The following AAGAB variants were observed in gnomAD, a reference collection of about 807,000 sequenced individuals.
The protein encoded by AAGAB is alpha- and gamma-adaptin-binding protein p34.
Under a neutral mutation model 44.1 loss-of-function variants are expected in AAGAB, and 38 were observed. The observed-to-expected ratio is 0.86, with a 90% CI of 0.67 to 1.13. AAGAB has a LOEUF of 1.13. Ranked by LOEUF, AAGAB falls within the 50% of genes most tolerant of loss-of-function variation. AAGAB has a pLI of 0.00. For missense variants in AAGAB, 450 were observed against 373.8 expected (o/e 1.20, Z -1.68); for synonymous variants, 131 against 131.8 (o/e 0.99, Z 0.04).
At chr15:67,236,959 T>C in intron 1 of AAGAB, 139 bp from the exon 2 acceptor site, 1 of 614,860 alleles carries the variant, frequency 1.6e-6, no homozygotes, top group Non-Finnish European at 2.7e-6. Flanking sequence ...CTGCATTTAT[T>C]AGCTTTAATC....
chr15:67,221,153 G>A (rs749094032), intron 5 of AAGAB: 9 of 152,126 alleles, frequency 5.9e-5, no homozygotes, highest in African/African-American at 1.4e-4. Flanking sequence ...GTCTCCCTGA[G>A]GTAAACCTTT....
intron 5 of AAGAB, among the ~76,000 whole-genome samples, chr15:67,222,242 G>GCGCGCGCACACACACACACA (rs1367738219): frequency 3.3e-5 from 3 of 90,044 alleles, no homozygotes; most frequent in Non-Finnish European, 4.6e-5. Flanking sequence ...GCGCGCGCGC[G>GCGCGCGCACACACACACACA]CACACACACA....
At chr15:67,208,998 C>T (rs886721558) in intron 6 of AAGAB, among the ~76,000 whole-genome samples, 1 of 152,054 alleles carries the variant, frequency 6.6e-6, no homozygotes, top group African/African-American at 2.4e-5. Context: ...GAAAAAGATC[C>T]CTGGAAAGAC....
rs1555417910 is a variant in AAGAB, at chr15:67,222,282, A to ACC, written c.535+9530_535+9531dup. ...CACACACACACACACACACACACAC[A>ACC]CCCTCCACCCATGCTGCCTGACTTT... On this transcript the variant is annotated intron_variant, in intron 5 of 9. Coordinates refer to ENST00000261880, the MANE Select transcript of AAGAB (RefSeq NM_024666.5). Among the ~76,000 whole-genome samples, 396 of 139,912 alleles carry ACC rather than the reference A, an allele frequency of 2.8e-3. 1 individual carries two copies. The highest frequency in any genetic ancestry group is 0.023 in the Middle Eastern group (6 of 260). 91.8% of individuals were successfully genotyped at this position (139,912 alleles called of 152,430 possible).
intron 5 of AAGAB, among the ~76,000 whole-genome samples, chr15:67,222,866 A>T (rs1165465132): frequency 1.3e-5 from 2 of 152,218 alleles, no homozygotes; most frequent in Non-Finnish European, 2.9e-5. Context: ...AATTTTCAAG[A>T]GTGTTTTATA....
In AAGAB at chr15:67,201,218, G is replaced by T. The variant is rs1595974401; in HGVS notation, c.*1603C>A. On this transcript the variant is annotated 3_prime_UTR_variant, in exon 10 of 10. Coordinates refer to ENST00000261880, the MANE Select transcript of AAGAB (RefSeq NM_024666.5). The stretch of plus-strand genomic sequence containing the variant: ...CAATCCCAGAGCCAACTTCCCTAAT[G>T]CAATCACCTCAAAGAAACACTGATG... 7.1e-6 allele frequency: 1 copy of T among 140,044 alleles called. No individual in the cohort carries two copies. The highest frequency in any genetic ancestry group is 7.3e-5 in the Admixed American group (1 of 13,632). The allele number at this position is 140,044 out of a possible 1,614,324, so 8.7% of individuals were successfully genotyped here.
At chr15:67,246,533 T>A (rs1964727024) in intron 1 of AAGAB, among the ~76,000 whole-genome samples, 1 of 152,238 alleles carries the variant, frequency 6.6e-6, no homozygotes, top group South Asian at 2.1e-4. Flanking sequence ...AAATACAATG[T>A]TATGTCCAAA....
upstream of AAGAB, chr15:67,254,849 T>A (rs1365013786): frequency 1.3e-6 from 2 of 1,587,832 alleles, no homozygotes; most frequent in Non-Finnish European, 1.7e-6. Context: ...AAGGTTTCCG[T>A]GCTTGGAAAC....
At chr15:67,240,023 C>T (rs1294107920) in intron 1 of AAGAB, among the ~76,000 whole-genome samples, 1 of 152,132 alleles carries the variant, frequency 6.6e-6, no homozygotes, top group Admixed American at 6.5e-5. Context: ...CCTACTACAC[C>T]GTGATGTTAC....
In AAGAB at chr15:67,236,457, T is replaced by C. The variant is rs745640728; in HGVS notation, c.312A>G (p.Ala104=). ...SVSSWLPLAK[A]WLPEVMILVC... is the part of the protein sequence containing the mutation. The stretch of plus-strand genomic sequence containing the variant: ...CCAAGATCATCACCTCAGGTAACCA[T>C]GCTTTTGCCAGTGGAAGCCATGAGG... The change falls in exon 3 of 10, where the codon GCA becomes GCG. Residue 104 remains alanine, a synonymous_variant. Transcript: ENST00000261880. The C allele has an allele frequency of 7.0e-5, 113 of 1,613,990 alleles. 2 individuals are homozygous for C. The South Asian group carries it at 1.1e-3, about 16-fold the overall frequency.
intron 5 of AAGAB, among the ~76,000 whole-genome samples, chr15:67,214,470 T>C (rs1299628640): frequency 2.0e-5 from 3 of 152,160 alleles, no homozygotes; most frequent in African/African-American, 7.2e-5. Context: ...CTTTGGTGTG[T>C]GGGTAGGTGG....
intron 5 of AAGAB, among the ~76,000 whole-genome samples, chr15:67,210,243 G>A (rs1324182141): frequency 6.6e-6 from 1 of 152,224 alleles, no homozygotes; most frequent in East Asian, 1.9e-4. Context: ...AGGGCTGGGA[G>A]CGGTGGCTCA....
At position 67,222,242 on chromosome 15, in the gene AAGAB, G is replaced by GCACACACACACACACACACA. The variant is rs370826027; in HGVS notation, c.535+9552_535+9571dup. Among the ~76,000 whole-genome samples, 44 of 90,112 alleles carry GCACACACACACACACACACA rather than the reference G, an allele frequency of 4.9e-4. No individual in the cohort carries two copies. The East Asian group carries it at 5.6e-3, about 11-fold the overall frequency. 59.1% of individuals were successfully genotyped at this position (90,112 alleles called of 152,430 possible). ...TGCATGCACGCGCACGCGCGCGCGC[G>GCACACACACACACACACACA]CACACACACACACACACACACACAC... is the stretch of plus-strand genomic sequence containing the variant. On this transcript the variant is annotated intron_variant, in intron 5 of 9. Coordinates refer to ENST00000261880, the MANE Select transcript of AAGAB (RefSeq NM_024666.5).
At chr15:67,246,159 T>A (rs1213054413) in intron 1 of AAGAB, among the ~76,000 whole-genome samples, 3 of 152,124 alleles carry the variant, frequency 2.0e-5, no homozygotes, top group African/African-American at 7.2e-5. Flanking sequence ...GGTGAGCGGA[T>A]CAGCTGAGCT....
At chr15:67,219,979 A>G (rs947918556) in intron 5 of AAGAB, among the ~76,000 whole-genome samples, 2 of 152,212 alleles carry the variant, frequency 1.3e-5, no homozygotes, top group Non-Finnish European at 2.9e-5. Flanking sequence ...AGCACCTACT[A>G]TTCTTACAAA....
At chr15:67,226,008 T>C (rs956032682) in intron 5 of AAGAB, among the ~76,000 whole-genome samples, 1 of 152,240 alleles carries the variant, frequency 6.6e-6, no homozygotes, top group Non-Finnish European at 1.5e-5. Context: ...AGGTTTCTAA[T>C]TTCTCCATAT....
At chr15:67,229,305 C>T (rs778267815) in intron 5 of AAGAB, among the ~76,000 whole-genome samples, 10 of 151,806 alleles carry the variant, frequency 6.6e-5, no homozygotes, top group Admixed American at 2.6e-4. Context: ...TGGTGGTGCG[C>T]GCCTGTAATC....
intron 1 of AAGAB, among the ~76,000 whole-genome samples, chr15:67,247,410 T>C (rs1165263978): frequency 1.3e-5 from 2 of 152,224 alleles, no homozygotes; most frequent in African/African-American, 4.8e-5. Context: ...TTAAACCAAA[T>C]GACCACTGCA....
chr15:67,231,450 T>C (rs554873773), intron 5 of AAGAB, among the ~76,000 whole-genome samples: 3 of 152,324 alleles, frequency 2.0e-5, no homozygotes, highest in African/African-American at 7.2e-5. Flanking sequence ...CAGTCATCTG[T>C]ACTCATCACA....
Sources: allele counts gnomAD v4.1 joint callset (sites outside exome capture counted in the v4.1 genomes callset), GRCh38; gene constraint gnomAD v4.1.1; transcripts MANE v1.5; gene names NCBI Gene and HGNC (gene_info 2026-07-23, HGNC 2026-07-21).